The following MAGI2 variants were observed in gnomAD, a reference collection of about 807,000 sequenced individuals.
MAGI2 encodes the protein membrane-associated guanylate kinase, WW and PDZ domain-containing protein 2.
MAGI2 carries 35 observed loss-of-function variants against 133.3 expected under a neutral mutation model. The ratio of observed to expected loss-of-function variants is 0.26; its 90% CI spans 0.20 to 0.35. MAGI2 has a LOEUF of 0.35. Ranked by LOEUF, MAGI2 falls within the 10% of genes least tolerant of loss-of-function variation. The probability of loss-of-function intolerance (pLI) is 1.00; values close to 1 mark genes in which losing one functional copy is unlikely to be tolerated. For missense variants in MAGI2, 1,636 were observed against 1,863.4 expected (o/e 0.88, Z 2.25); for synonymous variants, 729 against 710.6 (o/e 1.03, Z -0.41).
At chr7:79,113,301 G>A (rs1819099250) in intron 1 of MAGI2, among the ~76,000 whole-genome samples, 1 of 152,122 alleles carries the variant, frequency 6.6e-6, no homozygotes, top group Non-Finnish European at 1.5e-5. Context: ...CCTTCCCATG[G>A]TGAGCTATTT....
intron 1 of MAGI2, among the ~76,000 whole-genome samples, chr7:79,122,248 C>T (rs542355720): frequency 2.0e-5 from 3 of 152,220 alleles, no homozygotes; most frequent in South Asian, 2.1e-4. Context: ...AAATATGGAA[C>T]GACCCAGAGC....
At chr7:78,550,493 A>G (rs1799241157) in intron 3 of MAGI2, among the ~76,000 whole-genome samples, 2 of 152,172 alleles carry the variant, frequency 1.3e-5, no homozygotes, top group African/African-American at 4.8e-5. Flanking sequence ...GAGACAATCC[A>G]TATATTCCTC....
At chr7:78,974,865 T>C (rs894341949) in intron 2 of MAGI2, among the ~76,000 whole-genome samples, 2 of 151,710 alleles carry the variant, frequency 1.3e-5, no homozygotes, top group Admixed American at 1.3e-4. Flanking sequence ...AGTTAACAAT[T>C]ATCGAAAGTT....
chr7:79,223,994 T>C (rs1363803595), intron 1 of MAGI2, among the ~76,000 whole-genome samples: 2 of 152,114 alleles, frequency 1.3e-5, no homozygotes, highest in African/African-American at 4.8e-5. Flanking sequence ...GTGGGCTATT[T>C]AATTCTTCTG....
At chr7:78,783,951 G>A (rs73137209) in intron 2 of MAGI2, among the ~76,000 whole-genome samples, 4,531 of 152,142 alleles carry the variant, frequency 0.03, 112 homozygotes, top group Non-Finnish European at 0.042. Context: ...GGAAACACCC[G>A]TTTTCTTCTT....
At chr7:78,325,219 G>C (rs1200070269) in intron 9 of MAGI2, among the ~76,000 whole-genome samples, 1 of 152,034 alleles carries the variant, frequency 6.6e-6, no homozygotes, top group East Asian at 1.9e-4. Context: ...GAATCCTATT[G>C]CTATCATTAC....
chr7:79,200,296 A>G (rs1293279904), intron 1 of MAGI2, among the ~76,000 whole-genome samples: 1 of 151,944 alleles, frequency 6.6e-6, no homozygotes, highest in East Asian at 1.9e-4. Flanking sequence ...TTGCTGGAAA[A>G]ATACCATGTT....
chr7:78,504,770 A>G (rs1156285448), intron 4 of MAGI2, among the ~76,000 whole-genome samples: 1 of 152,178 alleles, frequency 6.6e-6, no homozygotes, highest in African/African-American at 2.4e-5. Flanking sequence ...CCTGGAAATG[A>G]TATAAATGCC....
chr7:78,592,017 G>C (rs1185322284), intron 3 of MAGI2, among the ~76,000 whole-genome samples: 1 of 152,080 alleles, frequency 6.6e-6, no homozygotes, highest in Non-Finnish European at 1.5e-5. Flanking sequence ...TTATATTGAG[G>C]AGTGAAGTGA....
chr7:78,814,324 T>C (rs1789363957), intron 2 of MAGI2, among the ~76,000 whole-genome samples: 1 of 152,142 alleles, frequency 6.6e-6, no homozygotes, highest in African/African-American at 2.4e-5. Context: ...TTGTAGGAAC[T>C]AGAAAAAAAT....
chr7:78,335,483 T>A (rs11768916), intron 9 of MAGI2, among the ~76,000 whole-genome samples: 1 of 152,108 alleles, frequency 6.6e-6, no homozygotes, highest in Non-Finnish European at 1.5e-5. Context: ...CCAAGTATCT[T>A]TATAGGATTT....
chr7:78,072,621 G>T, intron 21 of MAGI2: 1 of 290,482 alleles, frequency 3.4e-6, no homozygotes, highest in Non-Finnish European at 6.3e-6. Context: ...AAGAAAGGAT[G>T]TACTCAGCAG....
In MAGI2 at chr7:78,760,557, T is replaced by A. The variant is rs11982364; in HGVS notation, c.419-133318A>T. Among the ~76,000 whole-genome samples, 1,175 of 152,178 alleles carry A rather than the reference T, an allele frequency of 7.7e-3. 8 individuals are homozygous for A. Among genetic ancestry groups the A allele is most frequent in the African/African-American group, 0.027 (1,117 of 41,520 alleles). ...TTTGTATTTTTAGTAGAGATGGGGT[T>A]CCTTCTCTATCTTAGCTAACGAAGT... is the stretch of plus-strand genomic sequence containing the variant. On this transcript the variant is annotated intron_variant, in intron 2 of 21. Transcript: ENST00000354212.
At chr7:78,777,407 T>G (rs1826067614) in intron 2 of MAGI2, among the ~76,000 whole-genome samples, 1 of 152,098 alleles carries the variant, frequency 6.6e-6, no homozygotes, top group Non-Finnish European at 1.5e-5. Context: ...TGTAAGGAGC[T>G]TAGCACAGTG....
chr7:78,946,935 C>T (rs1044249002), intron 2 of MAGI2: 13 of 152,080 alleles, frequency 8.5e-5, no homozygotes, highest in Non-Finnish European at 1.3e-4. Context: ...TCCAGATTTT[C>T]CTGGCCATCA....
intron 1 of MAGI2, among the ~76,000 whole-genome samples, chr7:79,294,885 A>G (rs1585464505): frequency 1.4e-5 from 2 of 145,904 alleles, no homozygotes; most frequent in South Asian, 4.4e-4. Flanking sequence ...GCCCGCCACC[A>G]CTCCCGGCTA....
rs114014581 is a variant in MAGI2 at position 78,688,527 on chromosome 7, C to T, written c.419-61288G>A. On this transcript the variant is annotated intron_variant, in intron 2 of 21. Transcript: ENST00000354212. ...CTTTTAAAAGAAAAAAAGAAACACA[C>T]ATTAGAAGAAGGGACCACAGAGTCT... Among the ~76,000 whole-genome samples, 218 of 152,284 alleles carry T rather than the reference C, an allele frequency of 1.4e-3. 2 individuals are homozygous for T. Among genetic ancestry groups the T allele is most frequent in the African/African-American group, 4.5e-3 (187 of 41,562 alleles).
chr7:79,252,744 C>A (rs1041335401), intron 1 of MAGI2, among the ~76,000 whole-genome samples: 1 of 151,608 alleles, frequency 6.6e-6, no homozygotes, highest in Non-Finnish European at 1.5e-5. Flanking sequence ...TACTATGTAC[C>A]CACAAATATT....
At chr7:78,352,874 A>G (rs1470846041) in intron 7 of MAGI2, 1 of 152,194 alleles carries the variant, frequency 6.6e-6, no homozygotes, top group African/African-American at 2.4e-5. Context: ...TCACTAAGCC[A>G]TTACTCTTCA....
Sources: gnomAD v4.1 joint callset for allele counts (sites outside exome capture counted in the v4.1 genomes callset) on GRCh38, gnomAD v4.1.1 for gene constraint, MANE v1.5 for transcripts, NCBI Gene and HGNC (gene_info 2026-07-23, HGNC 2026-07-21) for gene names.